The following COL18A1 variants were observed in gnomAD, a reference collection of about 807,000 sequenced individuals.
The protein encoded by COL18A1 is collagen alpha-1(XVIII) chain.
In COL18A1, 133 loss-of-function variants were observed where a neutral mutation model predicts 168.0. The ratio of observed to expected loss-of-function variants is 0.79; its 90% confidence interval spans 0.69 to 0.91. The LOEUF (loss-of-function observed/expected upper bound fraction) is 0.91. COL18A1 is among the 40% of genes least tolerant of loss of function. The pLI is 0.00. For missense variants in COL18A1, 2,126 were observed against 1,925.4 expected, an observed-to-expected ratio of 1.10 and a Z score of -1.95; for synonymous variants, 949 against 809.0, an observed-to-expected ratio of 1.17 and a Z score of -2.94.
In COL18A1 at chr21:45,476,353, C is replaced by A; in HGVS notation, c.801C>A (p.Gly267=). The change falls in exon 6 of 42, where the codon GGC becomes GGA. Residue 267 remains glycine, a splice_region_variant and synonymous_variant. Transcript: ENST00000651438. The stretch of plus-strand genomic sequence containing the variant: ...CCACCTCCCCTCTCGTCCTCCAGGG[C>A]GCGGCCCTAAAACCCAGGCTCCCCG... The part of the protein sequence containing the change: ...DARELLREET[G]AALKPRLPAP... 6.2e-7 allele frequency: 1 copy of A among 1,613,970 alleles called. No homozygotes were observed. The highest frequency in any genetic ancestry group is 8.5e-7 in the Non-Finnish European group (1 of 1,179,968).
intron 16 of COL18A1, among the ~76,000 whole-genome samples, 169 bp downstream of exon 16, chr21:45,487,161 C>T (rs1207237495): frequency 6.6e-6 from 1 of 152,232 alleles, no homozygotes. Flanking sequence ...GAGTCTCTCG[C>T]CCGTCGCCCG....
chr21:45,452,728 G>A lies in COL18A1; in HGVS notation c.107-15514G>A, dbSNP rs540072304. On this transcript the variant is annotated intron_variant, in intron 2 of 41. Transcript: ENST00000651438. ...GTATGCATGAATATTCACATGTGAC[G>A]TGTGAGCATATATGTACGTGTGATT... 1.6e-3 allele frequency among the ~76,000 whole-genome samples: 248 copies of A among 150,702 alleles called. 1 individual carries two copies. Among genetic ancestry groups the A allele is most frequent in the African/African-American group, 5.7e-3 (234 of 40,906 alleles).
At chr21:45,479,512 G>C (rs1237098611) in intron 9 of COL18A1, among the ~76,000 whole-genome samples, 1 of 151,958 alleles carries the variant, frequency 6.6e-6, no homozygotes, top group East Asian at 1.9e-4. Context: ...GCACACCATG[G>C]ATTATGCACA....
At chr21:45,428,634 G>A (rs749824955) in intron 2 of COL18A1, among the ~76,000 whole-genome samples, 78 of 152,252 alleles carry the variant, frequency 5.1e-4, no homozygotes, top group African/African-American at 1.1e-3. Context: ...GCCACCGCCC[G>A]GCCCCAAGAA....
chr21:45,475,573 T>G (rs1454137598), intron 5 of COL18A1, 38 bp downstream of exon 5: 4 of 1,567,596 alleles, frequency 2.6e-6, no homozygotes, highest in African/African-American at 2.7e-5. Flanking sequence ...CGCTGCAGGG[T>G]CCCGGGAGAG....
chr21:45,439,404 G>A (rs975233198), intron 2 of COL18A1, among the ~76,000 whole-genome samples: 1 of 152,280 alleles, frequency 6.6e-6, no homozygotes, highest in Non-Finnish European at 1.5e-5. Context: ...CTGGTGGGCA[G>A]AGAGGTCATG....
At position 45,459,574 on chromosome 21, in the gene COL18A1, A is replaced by G. The variant is rs1386468147; in HGVS notation, c.107-8668A>G. ...CCACCTCGAGGAGAGTGTGGGGGACAGTGCAGCCGTGCTGGGGCGTGGGGG... is the reference window on the plus strand; with the variant it reads ...CCACCTCGAGGAGAGTGTGGGGGACGGTGCAGCCGTGCTGGGGCGTGGGGG... On this transcript the variant is annotated intron_variant, in intron 2 of 41. Coordinates refer to ENST00000651438, the MANE Select transcript of COL18A1 (RefSeq NM_001379500.1). 2.6e-5 allele frequency among the ~76,000 whole-genome samples: 4 copies of G among 152,202 alleles called. No homozygotes were observed. In the East Asian group the frequency reaches 7.7e-4, roughly 29 times the overall value.
At chr21:45,506,193 C>T (rs368654439) in intron 37 of COL18A1, 111 of 585,780 alleles carry the variant, frequency 1.9e-4, no homozygotes, top group African/African-American at 1.4e-3. Context: ...GAACACATGG[C>T]GTGTGAGGGG....
chr21:45,504,074 G>C lies in COL18A1; in HGVS notation c.2727+20G>C. ...ATGAAGGTGGGTGACCTCCCTGTGG[G>C]GTTGGGGGCCCCCAAGGTCCTGTAC... On this transcript the variant is annotated intron_variant, in intron 33 of 41. Transcript: ENST00000651438. 6.2e-7 allele frequency: 1 copy of C among 1,613,356 alleles called. No individual in the cohort carries two copies. Among genetic ancestry groups the C allele is most frequent in the Non-Finnish European group, 8.5e-7 (1 of 1,179,922 alleles).
chr21:45,487,486 G>C lies in COL18A1; in HGVS notation c.1873G>C (p.Ala625Pro), dbSNP rs2036156014. The change falls in exon 17 of 42, where the codon GCC (alanine) becomes CCC (proline). Residue 625 changes from alanine (A) to proline (P), a missense_variant. Coordinates refer to ENST00000651438, the MANE Select transcript of COL18A1 (RefSeq NM_001379500.1). ...CTCCGGGGGGCCCTTCTGGTCAACA[G>C]CCCGAAGCGCTGATGGGCCACAGGT... is the stretch of plus-strand genomic sequence containing the variant. Reference protein sequence around the residue: ...EGSGGPFWSTARSADGPQGPP... With the variant: ...EGSGGPFWSTPRSADGPQGPP... 2 of 1,612,992 alleles carry C rather than the reference G, an allele frequency of 1.2e-6. No homozygotes were observed. Among genetic ancestry groups the C allele is most frequent in the Non-Finnish European group, 1.7e-6 (2 of 1,180,016 alleles).
chr21:45,504,025 G>C lies in COL18A1; in HGVS notation c.2698G>C (p.Asp900His), dbSNP rs527244655. The C allele has an allele frequency of 1.9e-6, 3 of 1,613,606 alleles. No individual in the cohort carries two copies. In the African/African-American group the frequency reaches 4.0e-5, roughly 22 times the overall value. Reference protein sequence around the residue: ...PPGPPGQFPFDFLQLEAEMKG... With the variant: ...PPGPPGQFPFHFLQLEAEMKG... ...CTCTCTTGCAGGGCAGTTTCCGTTTGACTTTCTTCAGTTGGAGGCTGAAAT... is the reference window on the plus strand; with the variant it reads ...CTCTCTTGCAGGGCAGTTTCCGTTTCACTTTCTTCAGTTGGAGGCTGAAAT... Residue 900 changes from aspartate to histidine, a missense_variant, in exon 33 of 42, where the codon GAC becomes CAC. By Grantham distance (81) the Asp-to-His change is moderately conservative. Transcript: ENST00000651438.
At chr21:45,486,212 G>A (rs1453503663) in intron 15 of COL18A1, among the ~76,000 whole-genome samples, 1 of 152,076 alleles carries the variant, frequency 6.6e-6, no homozygotes, top group South Asian at 2.1e-4. Flanking sequence ...AGCCCCAGTG[G>A]TCCCAGGGTC....
At position 45,486,949 on chromosome 21, in the gene COL18A1, C is replaced by T. The variant is rs2036135359; in HGVS notation, c.1790C>T (p.Pro597Leu). Residue 597 changes from proline to leucine, a missense_variant, in exon 16 of 42, where the codon CCT becomes CTT. Transcript: ENST00000651438. Reference protein sequence around the residue: ...APGPAGPPGPPGPPGPPGPGL... With the variant: ...APGPAGPPGPLGPPGPPGPGL... The stretch of plus-strand genomic sequence containing the variant: ...GGACCTGCTGGACCACCAGGCCCCC[C>T]TGGGCCCCCTGGGCCCCCAGGACCA... The T allele has an allele frequency of 2.0e-6, 3 of 1,487,966 alleles. No individual in the cohort carries two copies. The highest frequency in any genetic ancestry group is 2.4e-5 in the Admixed American group (1 of 42,364). 92.2% of individuals were successfully genotyped at this position (1,487,966 alleles called of 1,614,324 possible). A position where few individuals can be genotyped will look rare whatever the true frequency, so the allele number is the denominator to read the frequency against.
chr21:45,468,286 C>G lies in COL18A1; in HGVS notation c.151C>G (p.Pro51Ala), dbSNP rs1404898003. 7 of 1,613,106 alleles carry G rather than the reference C, an allele frequency of 4.3e-6. No individual in the cohort carries two copies. Among genetic ancestry groups the G allele is most frequent in the Non-Finnish European group, 5.9e-6 (7 of 1,180,042 alleles). Residue 51 changes from proline (P) to alanine (A), a missense_variant, in exon 3 of 42, where the codon CCC (proline) becomes GCC (alanine). Transcript: ENST00000651438. ...GGGGCTGCTGCAGCTCCTTGGGGAC[C>G]CCCCGCCCCAGCAGGTCACCCAGAC... ...EVGLLQLLGD[P>A]PPQQVTQTDD... is the part of the protein sequence containing the mutation.
chr21:45,504,203 C>G, intron 33 of COL18A1, 149 bp downstream of exon 33: 1 of 994,306 alleles, frequency 1.0e-6, no homozygotes, highest in Non-Finnish European at 1.6e-6. Context: ...TCGAGGGCGT[C>G]CCTCAGGATG....
intron 2 of COL18A1, among the ~76,000 whole-genome samples, chr21:45,410,652 C>A (rs998797274): frequency 6.6e-6 from 1 of 152,238 alleles, no homozygotes; most frequent in Non-Finnish European, 1.5e-5. Context: ...CGCAGTTAGG[C>A]CTCTCTGGAA....
At chr21:45,435,481 C>T (rs906266674) in intron 2 of COL18A1, among the ~76,000 whole-genome samples, 4 of 152,096 alleles carry the variant, frequency 2.6e-5, no homozygotes, top group African/African-American at 9.7e-5. Context: ...CACAGACCCA[C>T]CAGGAATGGG....
At chr21:45,442,700 GGGCGGA>G (rs2034403614) in intron 2 of COL18A1, among the ~76,000 whole-genome samples, 1 of 112,196 alleles carries the variant, frequency 8.9e-6, no homozygotes, top group Admixed American at 8.4e-5. Flanking sequence ...GTGCTGGTGT[GGGCGGA>G]GGTCCTGGTG....
chr21:45,477,463 G>A lies in COL18A1; in HGVS notation c.981G>A (p.Arg327=). 1 of 1,612,402 alleles carries A rather than the reference G, an allele frequency of 6.2e-7. No homozygotes were observed. The highest frequency in any genetic ancestry group is 8.5e-7 in the Non-Finnish European group (1 of 1,179,346). Residue 327 remains arginine (R), a synonymous_variant, in exon 7 of 42, where the codon CGG becomes CGA. Coordinates refer to ENST00000651438, the MANE Select transcript of COL18A1 (RefSeq NM_001379500.1). ...DSVSTWDGSV[R]TPGGRVKEGG... is the part of the protein sequence containing the mutation. ...TCTCCACGTGGGACGGGAGTGTCCG[G>A]ACCCCTGGGGGCCGCGTGAAAGAGG...
Sources: allele counts gnomAD v4.1 joint callset (sites outside exome capture counted in the v4.1 genomes callset), GRCh38; gene constraint gnomAD v4.1.1; transcripts MANE v1.5; gene names NCBI Gene and HGNC (gene_info 2026-07-23, HGNC 2026-07-21).